Variants in APPBP2 observed in about 807,000 individuals in gnomAD.
APPBP2 encodes amyloid beta precursor protein binding protein 2, also known as amyloid protein-binding protein 2.
A neutral mutation model predicts 76.0 loss-of-function variants in APPBP2; 15 were observed. The ratio of observed to expected loss-of-function variants is 0.20; its 90% confidence interval spans 0.13 to 0.30. The LOEUF is 0.30. Ranked by LOEUF, APPBP2 falls within the 10% of genes least tolerant of loss-of-function variation. APPBP2 has a pLI of 1.00. For synonymous variants in APPBP2, 222 were observed against 242.2 expected (o/e 0.92, Z 0.77); for missense variants, 401 against 687.2 (o/e 0.58, Z 4.66).
intron 11 of APPBP2, among the ~76,000 whole-genome samples, chr17:60,453,694 C>T (rs1171739102): frequency 6.6e-6 from 1 of 151,690 alleles, no homozygotes; most frequent in Non-Finnish European, 1.5e-5. Context: ...TGTGAGCCAC[C>T]ATGTCTGGCT....
chr17:60,511,582 GA>G (rs397946277), intron 1 of APPBP2, among the ~76,000 whole-genome samples: 180 of 116,578 alleles, frequency 1.5e-3, no homozygotes, highest in Middle Eastern at 4.6e-3. Flanking sequence ...AGACTCCATT[GA>G]AAAAAAAAAA....
intron 1 of APPBP2, among the ~76,000 whole-genome samples, chr17:60,500,868 T>C (rs2090817631): frequency 6.6e-6 from 1 of 152,154 alleles, no homozygotes; most frequent in Non-Finnish European, 1.5e-5. Flanking sequence ...AGCTGGTCAA[T>C]ATGGCCACCT....
At chr17:60,479,300 A>G in intron 3 of APPBP2, 29 bp from the exon 4 acceptor site, 1 of 1,579,032 alleles carries the variant, frequency 6.3e-7, no homozygotes, top group Non-Finnish European at 8.6e-7. Context: ...CCAATTTTAG[A>G]AAACTTGATA....
At chr17:60,456,038 A>G (rs543946422) in intron 10 of APPBP2, among the ~76,000 whole-genome samples, 117 of 152,336 alleles carry the variant, frequency 7.7e-4, no homozygotes, top group South Asian at 1.9e-3. Flanking sequence ...TCGGCCTCCC[A>G]AAGTGCTGGG....
At chr17:60,509,446 A>C (rs2090894279) in intron 1 of APPBP2, among the ~76,000 whole-genome samples, 1 of 152,164 alleles carries the variant, frequency 6.6e-6, no homozygotes, top group Admixed American at 6.5e-5. Flanking sequence ...AAGAACATTA[A>C]GGAATTACTG....
chr17:60,486,594 T>G (rs539173900), intron 3 of APPBP2, among the ~76,000 whole-genome samples: 1 of 152,186 alleles, frequency 6.6e-6, no homozygotes, highest in Non-Finnish European at 1.5e-5. Context: ...TGTCTCTGCA[T>G]GTGAGATGGG....
chr17:60,525,151 C>T (rs954463726), intron 1 of APPBP2, among the ~76,000 whole-genome samples: 5 of 152,334 alleles, frequency 3.3e-5, no homozygotes, highest in African/African-American at 1.2e-4. Flanking sequence ...CTGTCCTCTT[C>T]AAACAGTTGA....
At chr17:60,518,409 G>C (rs1420322944) in intron 1 of APPBP2, among the ~76,000 whole-genome samples, 1 of 137,616 alleles carries the variant, frequency 7.3e-6, no homozygotes, top group Non-Finnish European at 1.5e-5. Context: ...GTAAGAGAGA[G>C]AGACAGCTAG....
Position 60,447,855 on chromosome 17 carries a change from GAA to G in APPBP2, c.1505-23_1505-22del, listed in dbSNP as rs572924329. The G allele has an allele frequency of 3.0e-4, 348 of 1,175,246 alleles. 2 individuals carry two copies. In the South Asian group the frequency reaches 3.2e-3, roughly 11 times the overall value. The allele number at this position is 1,175,246 out of a possible 1,614,324, so 72.8% of individuals were successfully genotyped here. A position where few individuals can be genotyped will look rare whatever the true frequency, so the allele number is the denominator to read the frequency against. Reference sequence around the variant, plus strand: ...CTTCCCTGTAACAAAAAAGAAAAAGGAAAAAAAAAAAAGCACAAATAATGAGA... The same window carrying G: ...CTTCCCTGTAACAAAAAAGAAAAAGGAAAAAAAAAAGCACAAATAATGAGA... On this transcript the variant is annotated intron_variant, in intron 12 of 12. Coordinates refer to ENST00000083182, the MANE Select transcript of APPBP2 (RefSeq NM_006380.5).
intron 3 of APPBP2, among the ~76,000 whole-genome samples, chr17:60,485,775 C>A (rs1312684439): frequency 6.6e-6 from 1 of 152,126 alleles, no homozygotes; most frequent in Non-Finnish European, 1.5e-5. Context: ...TTCTCTAGCT[C>A]TTTTAATTGT....
chr17:60,491,361 A>T (rs1296525820), intron 3 of APPBP2, among the ~76,000 whole-genome samples: 2 of 152,190 alleles, frequency 1.3e-5, no homozygotes, highest in Non-Finnish European at 2.9e-5. Context: ...ATTTCCAAGC[A>T]ACAAAGCATT....
chr17:60,450,988 C>T (rs1487073240), intron 12 of APPBP2, among the ~76,000 whole-genome samples: 1 of 152,108 alleles, frequency 6.6e-6, no homozygotes, highest in Non-Finnish European at 1.5e-5. Flanking sequence ...TTAACAGGCA[C>T]TTCATAAGAT....
chr17:60,520,727 CTTCA>C (rs1396106241), intron 1 of APPBP2, among the ~76,000 whole-genome samples: 1 of 151,848 alleles, frequency 6.6e-6, no homozygotes, highest in East Asian at 1.9e-4. Context: ...AGATCATAAA[CTTCA>C]TTCATTTTTT....
rs756644769 is a variant in APPBP2 at position 60,466,375 on chromosome 17, T to C, written c.588A>G (p.Leu196=). The change falls in exon 5 of 13, where the codon CTA becomes CTG. Residue 196 remains leucine (L), a synonymous_variant. Transcript: ENST00000083182. ...FKLAQTYMDK[L]SKHGQQANKA... ...TATTTGCTTGCTGGCCATGTTTTGATAGTTTATCCATATATGTCTGAGCTA... is the reference window on the plus strand; with the variant it reads ...TATTTGCTTGCTGGCCATGTTTTGACAGTTTATCCATATATGTCTGAGCTA... 9 of 1,613,946 alleles carry C rather than the reference T, an allele frequency of 5.6e-6. No homozygotes were observed. Among genetic ancestry groups the C allele is most frequent in the Non-Finnish European group, 6.8e-6 (8 of 1,180,018 alleles).
intron 3 of APPBP2, among the ~76,000 whole-genome samples, chr17:60,491,368 C>T (rs1306832930): frequency 1.3e-5 from 2 of 152,114 alleles, no homozygotes; most frequent in Non-Finnish European, 2.9e-5. Flanking sequence ...AGCAACAAAG[C>T]ATTTAAGAGG....
At chr17:60,502,045 T>C (rs2090827370) in intron 1 of APPBP2, among the ~76,000 whole-genome samples, 1 of 152,082 alleles carries the variant, frequency 6.6e-6, no homozygotes, top group Non-Finnish European at 1.5e-5. Flanking sequence ...GAAAGATTTG[T>C]TATTTTTATT....
At chr17:60,490,503 C>T (rs1381221857) in intron 3 of APPBP2, among the ~76,000 whole-genome samples, 1 of 152,110 alleles carries the variant, frequency 6.6e-6, no homozygotes, top group Non-Finnish European at 1.5e-5. Context: ...AAGACCTTGT[C>T]TCAACAAAAA....
At chr17:60,472,312 T>G (rs1257766533) in intron 4 of APPBP2, among the ~76,000 whole-genome samples, 1 of 152,218 alleles carries the variant, frequency 6.6e-6, no homozygotes, top group Admixed American at 6.5e-5. Flanking sequence ...TTGGAAGGTT[T>G]TTGATTATGG....
chr17:60,478,352 C>T (rs1239729697), intron 4 of APPBP2, among the ~76,000 whole-genome samples: 1 of 152,096 alleles, frequency 6.6e-6, no homozygotes, highest in Admixed American at 6.6e-5. Context: ...AGCAGAGTTA[C>T]TTCTAGATTT....
Sources: gnomAD v4.1 joint callset for allele counts (sites outside exome capture counted in the v4.1 genomes callset) on GRCh38, gnomAD v4.1.1 for gene constraint, MANE v1.5 for transcripts, NCBI Gene and HGNC (gene_info 2026-07-23, HGNC 2026-07-21) for gene names.